PALMD: variants seen among roughly 807,000 people sequenced by gnomAD.
PALMD encodes palmdelphin.
Under a neutral mutation model 56.2 loss-of-function variants are expected in PALMD, and 42 were observed. The observed-to-expected ratio is 0.75, with a 90% CI of 0.58 to 0.97. The LOEUF is 0.97. PALMD is among the 50% of genes least tolerant of loss of function. The probability of loss-of-function intolerance (pLI) is 0.00; values close to 1 mark genes in which losing one functional copy is unlikely to be tolerated. For missense variants in PALMD, 660 were observed against 643.8 expected (o/e 1.03, Z -0.27); for synonymous variants, 242 against 222.9 (o/e 1.09, Z -0.76).
chr1:99,689,610 G>A lies in PALMD; in HGVS notation c.1350G>A (p.Glu450=). 6.2e-7 allele frequency: 1 copy of A among 1,612,404 alleles called. No individual in the cohort carries two copies. Among genetic ancestry groups the A allele is most frequent in the Middle Eastern group, 1.7e-4 (1 of 6,056 alleles). Residue 450 remains glutamate (E), a synonymous_variant, in exon 7 of 8, where the codon GAG becomes GAA. Coordinates refer to ENST00000263174, the MANE Select transcript of PALMD (RefSeq NM_017734.5). The part of the protein sequence containing the change: ...IHAELVVIDD[E]EEEDEGEAEK... ...CTGAGCTGGTTGTGATTGATGATGAGGAGGAGGAGGATGAAGGAGAAGCAG... is the reference window on the plus strand; with the variant it reads ...CTGAGCTGGTTGTGATTGATGATGAAGAGGAGGAGGATGAAGGAGAAGCAG...
chr1:99,658,221 T>C (rs1215509730), intron 1 of PALMD, among the ~76,000 whole-genome samples: 2 of 151,354 alleles, frequency 1.3e-5, no homozygotes, highest in East Asian at 3.9e-4. Context: ...CAAGAATCAC[T>C]TGAGACCAGG....
chr1:99,689,143 G>T lies in PALMD; in HGVS notation c.883G>T (p.Gly295Cys), dbSNP rs1377384279. Residue 295 changes from glycine (G) to cysteine (C), a missense_variant, in exon 7 of 8, where the codon GGT (glycine) becomes TGT (cysteine). Transcript: ENST00000263174. ...GATAAAGATTAAAACTAATGGACTGGGTATTGGTGTAAATGAATCCATACA... is the reference window on the plus strand; with the variant it reads ...GATAAAGATTAAAACTAATGGACTGTGTATTGGTGTAAATGAATCCATACA... ...ERIKIKTNGL[G>C]IGVNESIHNM... 25 of 1,613,458 alleles carry T rather than the reference G, an allele frequency of 1.5e-5. No homozygotes were observed. Among genetic ancestry groups the T allele is most frequent in the Non-Finnish European group, 2.1e-5 (25 of 1,179,768 alleles).
chr1:99,693,808 A>C (rs981108834), intron 7 of PALMD, among the ~76,000 whole-genome samples: 2 of 152,204 alleles, frequency 1.3e-5, no homozygotes, highest in Non-Finnish European at 2.9e-5. Context: ...TTATAGAAAT[A>C]GGTTCCTTCT....
chr1:99,661,832 T>C (rs557900200), intron 1 of PALMD, among the ~76,000 whole-genome samples: 2 of 152,344 alleles, frequency 1.3e-5, no homozygotes, highest in South Asian at 2.1e-4. Context: ...TAGCAGGCTA[T>C]GCAAGGAGGA....
chr1:99,651,175 C>G (rs1429117937), intron 1 of PALMD, among the ~76,000 whole-genome samples: 5 of 152,170 alleles, frequency 3.3e-5, no homozygotes, highest in African/African-American at 4.8e-5. Context: ...AGTGCTGTAC[C>G]AAGATTACAT....
In PALMD at chr1:99,694,038, A is replaced by T; in HGVS notation, c.1632A>T (p.Ala544=). Residue 544 remains alanine (A), a synonymous_variant, in exon 8 of 8, where the codon GCA becomes GCT. Coordinates refer to ENST00000263174, the MANE Select transcript of PALMD (RefSeq NM_017734.5). The part of the protein sequence containing the change: ...PSLTALRMRM[A]KLGKKVI ...TTGCAGCTTTAAGGATGAGAATGGC[A>T]AAGCTGGGAAAAAAGGTGATCTAAG... 1 of 1,604,112 alleles carries T rather than the reference A, an allele frequency of 6.2e-7. No homozygotes were observed. Among genetic ancestry groups the T allele is most frequent in the Non-Finnish European group, 8.5e-7 (1 of 1,172,880 alleles).
At chr1:99,678,239 A>G (rs1653259337) in intron 3 of PALMD, among the ~76,000 whole-genome samples, 1 of 149,974 alleles carries the variant, frequency 6.7e-6, no homozygotes, top group Non-Finnish European at 1.5e-5. Flanking sequence ...GAGTACTGGG[A>G]TTATATAGGT....
At chr1:99,650,869 C>A (rs534137878) in intron 1 of PALMD, among the ~76,000 whole-genome samples, 77 of 152,252 alleles carry the variant, frequency 5.1e-4, no homozygotes, top group African/African-American at 1.5e-3. Context: ...AGAGTAAAAA[C>A]AAGTGTAAAC....
At chr1:99,674,536 G>C (rs1239061867) in intron 3 of PALMD, among the ~76,000 whole-genome samples, 1 of 151,000 alleles carries the variant, frequency 6.6e-6, no homozygotes, top group Non-Finnish European at 1.5e-5. Flanking sequence ...TTCATTCCAT[G>C]AACATTATTG....
chr1:99,654,917 T>A (rs935403755), intron 1 of PALMD, among the ~76,000 whole-genome samples: 2 of 152,130 alleles, frequency 1.3e-5, no homozygotes, highest in African/African-American at 4.8e-5. Flanking sequence ...ACAAAATGAT[T>A]CCAAAGTCCA....
At chr1:99,663,990 T>C (rs1652909506) in intron 2 of PALMD, among the ~76,000 whole-genome samples, 1 of 152,184 alleles carries the variant, frequency 6.6e-6, no homozygotes, top group South Asian at 2.1e-4. Context: ...GTTGTGCAGA[T>C]TGTGTACTGC....
At chr1:99,666,531 A>G (rs1256590668) in intron 2 of PALMD, among the ~76,000 whole-genome samples, 1 of 152,154 alleles carries the variant, frequency 6.6e-6, no homozygotes, top group East Asian at 1.9e-4. Flanking sequence ...AGTTATTCTT[A>G]CTTACTCTCA....
chr1:99,654,791 G>T (rs1003990218), intron 1 of PALMD, among the ~76,000 whole-genome samples: 14 of 151,982 alleles, frequency 9.2e-5, no homozygotes, highest in Non-Finnish European at 1.9e-4. Context: ...TTTTTGTTTG[G>T]TTGGTTGGTT....
intron 3 of PALMD, among the ~76,000 whole-genome samples, chr1:99,675,619 C>T (rs1557671808): frequency 6.6e-6 from 1 of 152,184 alleles, no homozygotes; most frequent in Admixed American, 6.5e-5. Context: ...CCCACCAGAG[C>T]AGTTGAGAAG....
intron 1 of PALMD, among the ~76,000 whole-genome samples, chr1:99,647,187 A>G (rs1473426374): frequency 2.0e-5 from 3 of 152,198 alleles, no homozygotes; most frequent in Non-Finnish European, 4.4e-5. Flanking sequence ...ATCCCTAGCT[A>G]TAACTTTTGA....
intron 1 of PALMD, among the ~76,000 whole-genome samples, chr1:99,657,374 T>G (rs1185288143): frequency 1.3e-5 from 2 of 152,220 alleles, no homozygotes; most frequent in Non-Finnish European, 2.9e-5. Context: ...CTGCATTCCA[T>G]CTGACACTTT....
intron 1 of PALMD, among the ~76,000 whole-genome samples, chr1:99,660,595 C>T (rs1167149547): frequency 1.3e-5 from 2 of 151,850 alleles, no homozygotes; most frequent in African/African-American, 2.4e-5. Flanking sequence ...AGATTTCATC[C>T]AAAGAAAGAA....
At chr1:99,661,942 G>A (rs185942328) in intron 1 of PALMD, among the ~76,000 whole-genome samples, 2 of 152,240 alleles carry the variant, frequency 1.3e-5, no homozygotes, top group East Asian at 3.9e-4. Flanking sequence ...CTTCAACCTT[G>A]GACCAGGATC....
rs1453014710 is a variant in PALMD at position 99,646,200 on chromosome 1, A to G, written c.-118A>G. 2.5e-6 allele frequency: 2 copies of G among 799,856 alleles called. No individual in the cohort carries two copies. Among genetic ancestry groups the G allele is most frequent in the Non-Finnish European group, 4.4e-6 (2 of 458,662 alleles). 49.5% of individuals were successfully genotyped at this position (799,856 alleles called of 1,614,324 possible). On this transcript the variant is annotated 5_prime_UTR_variant, in exon 1 of 8. Coordinates refer to ENST00000263174, the MANE Select transcript of PALMD (RefSeq NM_017734.5). ...AATTTCTCTATTTCTCCACTGGTGC[A>G]AAGAGCGGATTTCTCCCTGCTTCTC... is the stretch of plus-strand genomic sequence containing the variant.
Sources: allele counts gnomAD v4.1 joint callset (sites outside exome capture counted in the v4.1 genomes callset), GRCh38; gene constraint gnomAD v4.1.1; transcripts MANE v1.5; gene names NCBI Gene and HGNC (gene_info 2026-07-23, HGNC 2026-07-21).